Variants in SPECC1 observed in about 807,000 individuals in gnomAD.
The protein encoded by SPECC1 is sperm antigen with calponin homology and coiled-coil domains 1.
A neutral mutation model predicts 104.1 loss-of-function variants in SPECC1; 62 were observed. The ratio of observed to expected loss-of-function variants is 0.60; its 90% CI spans 0.49 to 0.74. The LOEUF (loss-of-function observed/expected upper bound fraction) is 0.74. Among genes scored for constraint, SPECC1 ranks in the 30% least tolerant of loss-of-function variants. The pLI, the probability that SPECC1 is intolerant of heterozygous loss-of-function variation, is 0.00. For missense variants in SPECC1, 1,306 were observed against 1,310.5 expected (o/e 1.00, Z 0.05); for synonymous variants, 513 against 501.6 (o/e 1.02, Z -0.30).
At chr17:20,033,801 G>T (rs560182677) in intron 1 of SPECC1, among the ~76,000 whole-genome samples, 1 of 152,122 alleles carries the variant, frequency 6.6e-6, no homozygotes. Context: ...CATGAGACTC[G>T]GTGGGGCCAA....
Position 20,264,146 on chromosome 17 carries a change from A to C in SPECC1, c.2940+3852A>C, listed in dbSNP as rs1255975785. 2.6e-5 allele frequency among the ~76,000 whole-genome samples: 4 copies of C among 152,326 alleles called. No individual in the cohort carries two copies. In the East Asian group the frequency reaches 7.7e-4, roughly 29 times the overall value. On this transcript the variant is annotated intron_variant, in intron 12 of 14. Transcript: ENST00000395527. ...GGTGAAAACTTTTTGAAAACCGGGA[A>C]CCATGTGTACTTGACTTAAAATAAC... is the stretch of plus-strand genomic sequence containing the variant.
chr17:20,231,626 A>G (rs1056563743), intron 5 of SPECC1, 132 bp from the exon 6 acceptor site: 5 of 759,400 alleles, frequency 6.6e-6, no homozygotes, highest in African/African-American at 1.7e-5. Flanking sequence ...TAAAAGTTGC[A>G]TTTAGAGTAG....
intron 3 of SPECC1, among the ~76,000 whole-genome samples, chr17:20,166,512 A>G (rs2033661124): frequency 6.6e-6 from 1 of 152,220 alleles, no homozygotes; most frequent in Non-Finnish European, 1.5e-5. Context: ...ATTATAGATC[A>G]TTTAGAAAAA....
chr17:20,051,104 CTTTCTTTCTTTCTTTCTTTCT>C (rs2045744531), intron 1 of SPECC1, among the ~76,000 whole-genome samples: 1 of 126,282 alleles, frequency 7.9e-6, no homozygotes, highest in African/African-American at 3.2e-5. Flanking sequence ...TTCTTTCTTT[CTTTCTTTCTTTCTTTCTTTCT>C]TTCTTTCTTT....
chr17:20,267,532 C>G (rs1416442043), intron 12 of SPECC1, among the ~76,000 whole-genome samples: 1 of 152,084 alleles, frequency 6.6e-6, no homozygotes, highest in Non-Finnish European at 1.5e-5. Context: ...CCACTAATCA[C>G]AAACCCCTGT....
rs1252259696 is a variant in SPECC1, at chr17:20,312,425, C to G, written c.3118-1551C>G. ...GTTCAAGCATGTAAGATTGTCTGCTCAAAACTGAATATTGATTGGACTTCG... is the reference window on the plus strand; with the variant it reads ...GTTCAAGCATGTAAGATTGTCTGCTGAAAACTGAATATTGATTGGACTTCG... On this transcript the variant is annotated intron_variant, in intron 14 of 14. Transcript: ENST00000395527. Among the ~76,000 whole-genome samples, 3 of 152,210 alleles carry G rather than the reference C, an allele frequency of 2.0e-5. No homozygotes were observed. In the East Asian group the frequency reaches 5.8e-4, roughly 29 times the overall value.
intron 3 of SPECC1, among the ~76,000 whole-genome samples, chr17:20,117,790 A>C (rs1052665500): frequency 9.9e-5 from 15 of 151,796 alleles, no homozygotes; most frequent in Admixed American, 6.6e-4. Flanking sequence ...TAGTGGAAAG[A>C]TACTAAGCCT....
intron 14 of SPECC1, among the ~76,000 whole-genome samples, chr17:20,311,160 T>C (rs1275831207): frequency 6.7e-6 from 1 of 148,184 alleles, no homozygotes; most frequent in African/African-American, 2.5e-5. Flanking sequence ...TATTACAAAA[T>C]CCAGTTGTTC....
intron 13 of SPECC1, among the ~76,000 whole-genome samples, chr17:20,302,082 G>C (rs942100590): frequency 6.6e-6 from 1 of 152,218 alleles, no homozygotes; most frequent in Non-Finnish European, 1.5e-5. Flanking sequence ...GCTTAGTCCA[G>C]ACGGACTCAG....
In SPECC1 at chr17:20,315,576, T is replaced by C. The variant is rs2042030359; in HGVS notation, c.*1511T>C. ...AACAAAGGATCATCCTTCCAGTGAG[T>C]CACCGAGAATGACAGTGACTGCCAT... On this transcript the variant is annotated 3_prime_UTR_variant, in exon 15 of 15. Coordinates refer to ENST00000395527, the MANE Select transcript of SPECC1 (RefSeq NM_001243439.2). 8.6e-6 allele frequency: 2 copies of C among 232,554 alleles called. No homozygotes were observed. Among genetic ancestry groups the C allele is most frequent in the Admixed American group, 1.1e-4 (2 of 17,734 alleles). The allele number at this position is 232,554 out of a possible 1,614,324, so 14.4% of individuals were successfully genotyped here. A position where few individuals can be genotyped will look rare whatever the true frequency, so the allele number is the denominator to read the frequency against.
At chr17:20,040,460 A>AT (rs2045280342) in intron 1 of SPECC1, among the ~76,000 whole-genome samples, 1 of 151,786 alleles carries the variant, frequency 6.6e-6, no homozygotes, top group African/African-American at 2.4e-5. Flanking sequence ...TTCTTTCATC[A>AT]TTTTTTGGTC....
chr17:20,285,536 T>C lies in SPECC1; in HGVS notation c.2941-11425T>C, dbSNP rs527264953. Reference sequence around the variant, plus strand: ...AAGTTCCATATTCCACTCAGAAATATTGCTAAAGTATTTATATCCTGGGAA... The same window carrying C: ...AAGTTCCATATTCCACTCAGAAATACTGCTAAAGTATTTATATCCTGGGAA... On this transcript the variant is annotated intron_variant, in intron 12 of 14. Coordinates refer to ENST00000395527, the MANE Select transcript of SPECC1 (RefSeq NM_001243439.2). Among the ~76,000 whole-genome samples, 4 of 152,316 alleles carry C rather than the reference T, an allele frequency of 2.6e-5. No homozygotes were observed. The East Asian group carries it at 7.7e-4, about 29-fold the overall frequency.
At position 20,232,444 on chromosome 17, in the gene SPECC1, A is replaced by G. The variant is rs113282786; in HGVS notation, c.2351+39A>G. The G allele has an allele frequency of 7.1e-4, 1,109 of 1,561,674 alleles. 3 individuals carry two copies. Among genetic ancestry groups the G allele is most frequent in the African/African-American group, 6.3e-3 (467 of 73,928 alleles). On this transcript the variant is annotated intron_variant, in intron 7 of 14. Transcript: ENST00000395527. ...GCACCAGGGCCGTGCTTGCTTCTCA[A>G]TCACTATGTATGGGGCTCCCTGGTG...
At chr17:20,064,795 T>C (rs1280728102) in intron 1 of SPECC1, among the ~76,000 whole-genome samples, 2 of 152,338 alleles carry the variant, frequency 1.3e-5, no homozygotes, top group Non-Finnish European at 2.9e-5. Context: ...CCTTGTCTTA[T>C]AGCTCATGAG....
rs535516930 is a variant in SPECC1 at position 20,210,699 on chromosome 17, C to A, written c.1863+4787C>A. Among the ~76,000 whole-genome samples, 8 of 152,210 alleles carry A rather than the reference C, an allele frequency of 5.3e-5. No individual in the cohort carries two copies. The South Asian group carries it at 6.2e-4, about 12-fold the overall frequency. On this transcript the variant is annotated intron_variant, in intron 4 of 14. Transcript: ENST00000395527. ...CCCCACCAGGCCTCCACTCCCTCAC[C>A]TTTTCCCACAAAGTACTCACAGTGA...
chr17:20,023,067 A>G (rs1417937515), intron 1 of SPECC1, among the ~76,000 whole-genome samples: 1 of 152,244 alleles, frequency 6.6e-6, no homozygotes, highest in Non-Finnish European at 1.5e-5. Flanking sequence ...ATTGCATATG[A>G]ACAAGAGTTC....
intron 2 of SPECC1, among the ~76,000 whole-genome samples, chr17:20,100,128 T>C (rs2047873295): frequency 6.6e-6 from 1 of 152,234 alleles, no homozygotes; most frequent in Non-Finnish European, 1.5e-5. Context: ...TAACTTTTTC[T>C]GCACTTGGTA....
intron 2 of SPECC1, among the ~76,000 whole-genome samples, chr17:20,097,112 G>C (rs1028089519): frequency 3.3e-5 from 5 of 152,262 alleles, no homozygotes; most frequent in African/African-American, 1.2e-4. Context: ...GGTCATGCAC[G>C]ATCTTTGCAG....
chr17:20,232,162 C>G, intron 6 of SPECC1, 38 bp from the exon 7 acceptor site: 1 of 1,609,666 alleles, frequency 6.2e-7, no homozygotes, highest in Non-Finnish European at 8.5e-7. Context: ...CTGGCCCTGG[C>G]AGGCGTCTGA....
Sources: allele counts gnomAD v4.1 joint callset (sites outside exome capture counted in the v4.1 genomes callset), GRCh38; gene constraint gnomAD v4.1.1; transcripts MANE v1.5; gene names NCBI Gene and HGNC (gene_info 2026-07-23, HGNC 2026-07-21).